The following ATP13A2 variants were observed in gnomAD, a reference collection of about 807,000 sequenced individuals.
ATP13A2 encodes the protein polyamine-transporting ATPase 13A2.
In ATP13A2, 83 loss-of-function variants were observed where a neutral mutation model predicts 138.3. That is an observed-to-expected ratio of 0.60 (90% CI 0.50 to 0.72). The LOEUF is 0.72. Ranked by LOEUF, ATP13A2 falls within the 30% of genes least tolerant of loss-of-function variation. The pLI, the probability that ATP13A2 is intolerant of heterozygous loss-of-function variation, is 0.00. For synonymous variants in ATP13A2, 663 were observed against 699.0 expected (o/e 0.95, Z 0.81); for missense variants, 1,402 against 1,606.4 (o/e 0.87, Z 2.17).
rs551559306 is a variant in ATP13A2, at chr1:17,000,108, G to A, written c.942C>T (p.Pro314=). The part of the protein sequence containing the change: ...EEWVDSSELV[P]GDCLVLPQEG... ...CCTGGGGCAGCACCAGGCAGTCTCC[G>A]GGCACTAGCTCACTGGAGTCCACCC... The change falls in exon 11 of 29, where the codon CCC becomes CCT. Residue 314 remains proline, a synonymous_variant. Coordinates refer to ENST00000326735, the MANE Select transcript of ATP13A2 (RefSeq NM_022089.4). 1.2e-5 allele frequency: 19 copies of A among 1,613,330 alleles called. No individual in the cohort carries two copies. Among genetic ancestry groups the A allele is most frequent in the Middle Eastern group, 1.6e-4 (1 of 6,084 alleles).
At position 16,992,263 on chromosome 1, in the gene ATP13A2, C is replaced by A. The variant is rs766516471; in HGVS notation, c.1985G>T (p.Gly662Val). Reference sequence around the variant, plus strand: ...TGCACCTGTCTCGGGGTTGCAGAGCCCTGCCACCAGCTCCGGGGAGCCTTT... The same window carrying A: ...TGCACCTGTCTCGGGGTTGCAGAGCACTGCCACCAGCTCCGGGGAGCCTTT... ...YVKGSPELVA[G>V]LCNPETVPTD... Residue 662 changes from glycine to valine, a missense_variant, in exon 18 of 29, where the codon GGG becomes GTG. Gly to Val is a moderately radical substitution (Grantham distance 109). Coordinates refer to ENST00000326735, the MANE Select transcript of ATP13A2 (RefSeq NM_022089.4). The A allele has an allele frequency of 2.5e-6, 4 of 1,612,592 alleles. No homozygotes were observed.
intron 2 of ATP13A2, 47 bp downstream of exon 2, chr1:17,005,637 G>C (rs780569970): frequency 6.2e-7 from 1 of 1,612,886 alleles, no homozygotes; most frequent in Non-Finnish European, 8.5e-7. Flanking sequence ...GGTGGGCCTG[G>C]GCATTCACCC....
Position 17,002,050 on chromosome 1 carries a change from T to TG in ATP13A2, c.688dup (p.Gln230ProfsTer25). 1 of 1,612,552 alleles carries TG rather than the reference T, an allele frequency of 6.2e-7. No individual in the cohort carries two copies. The highest frequency in any genetic ancestry group is 8.5e-7 in the Non-Finnish European group (1 of 1,179,216). ...CAGCCCTACCTCGTCCACCAGCAGC[T>TG]GGGGGTAGGACTTGACCGGTATGCT... On this transcript the variant is annotated frameshift_variant, in exon 8 of 29. Transcript: ENST00000326735. LOFTEE classifies it high-confidence loss of function.
intron 15 of ATP13A2, 111 bp from the exon 16 acceptor site, chr1:16,993,946 C>T (rs939985265): frequency 9.0e-6 from 8 of 892,240 alleles, no homozygotes; most frequent in East Asian, 5.4e-5. Context: ...CCCAGGAACT[C>T]GAGCTGGAGC....
rs148054197 is a variant in ATP13A2, at chr1:16,998,251, C to T, written c.1040-1076G>A. On this transcript the variant is annotated intron_variant, in intron 11 of 28. Coordinates refer to ENST00000326735, the MANE Select transcript of ATP13A2 (RefSeq NM_022089.4). Reference sequence around the variant, plus strand: ...ACGGAGTCTTACTCTGTCACCCAGGCTGGAGTGCAGTGGTGCGATCTCGGC... The same window carrying T: ...ACGGAGTCTTACTCTGTCACCCAGGTTGGAGTGCAGTGGTGCGATCTCGGC... Among the ~76,000 whole-genome samples, 1,109 of 152,246 alleles carry T rather than the reference C, an allele frequency of 7.3e-3. 15 individuals carry two copies. The highest frequency in any genetic ancestry group is 0.026 in the African/African-American group (1,060 of 41,536).
chr1:16,996,344 G>A (rs187138619), intron 13 of ATP13A2, 42 bp downstream of exon 13: 21 of 1,599,336 alleles, frequency 1.3e-5, no homozygotes, highest in African/African-American at 9.4e-5. Context: ...GGACCCAGGT[G>A]GGGGGGGCTA....
At position 17,002,036 on chromosome 1, in the gene ATP13A2, C is replaced by T. The variant is rs540184864; in HGVS notation, c.703G>A (p.Glu235Lys). 2.6e-5 allele frequency: 42 copies of T among 1,611,110 alleles called. No homozygotes were observed. The highest frequency in any genetic ancestry group is 6.7e-5 in the African/African-American group (5 of 75,040). Reference protein sequence around the residue: ...VKSYPQLLVDEALNPYYGFQA... With the variant: ...VKSYPQLLVDKALNPYYGFQA... ...GCAAGACCCAGGGACAGCCCTACCT[C>T]GTCCACCAGCAGCTGGGGGTAGGAC... The change falls in exon 8 of 29, where the codon GAG (glutamate) becomes AAG (lysine). Residue 235 changes from glutamate to lysine, a missense_variant and splice_region_variant. Transcript: ENST00000326735.
At chr1:17,000,690 A>G in intron 8 of ATP13A2, 156 bp from the exon 9 acceptor site, 1 of 936,074 alleles carries the variant, frequency 1.1e-6, no homozygotes, top group South Asian at 1.7e-5. Flanking sequence ...CCACCCAACC[A>G]GACATCCCCA....
In ATP13A2 at chr1:16,989,944, G is replaced by T; in HGVS notation, c.2472C>A (p.Ala824=). The T allele has an allele frequency of 6.2e-7, 1 of 1,604,002 alleles. No homozygotes were observed. Among genetic ancestry groups the T allele is most frequent in the Non-Finnish European group, 8.5e-7 (1 of 1,175,252 alleles). Residue 824 remains alanine (A), a synonymous_variant, in exon 22 of 29, where the codon GCC becomes GCA. Transcript: ENST00000326735. ...VEPDPRSRHL[A]LSGPTFGIIV... is the part of the protein sequence containing the mutation. ...TGATACCAAAGGTGGGCCCGCTGAG[G>T]GCCAGGTGCCTGGATCGGGGGTCTG...
At chr1:17,003,946 G>A (rs1403531685) in intron 6 of ATP13A2, among the ~76,000 whole-genome samples, 1 of 152,118 alleles carries the variant, frequency 6.6e-6, no homozygotes, top group Non-Finnish European at 1.5e-5. Context: ...ACAGGGGTGA[G>A]CCACCGCACC....
At chr1:16,989,109 T>A (rs1475166582) in intron 23 of ATP13A2, among the ~76,000 whole-genome samples, 1 of 150,916 alleles carries the variant, frequency 6.6e-6, no homozygotes, top group Non-Finnish European at 1.5e-5. Flanking sequence ...AGAGACAGGG[T>A]TTCACCATGT....
At chr1:17,007,773 G>A (rs906603682) in intron 1 of ATP13A2, among the ~76,000 whole-genome samples, 37 of 151,588 alleles carry the variant, frequency 2.4e-4, no homozygotes, top group African/African-American at 7.3e-4. Flanking sequence ...GGATGGTCTC[G>A]ATCTCCCGAC....
chr1:16,991,943 C>T, intron 19 of ATP13A2, 66 bp downstream of exon 19: 2 of 1,610,768 alleles, frequency 1.2e-6, no homozygotes, highest in Non-Finnish European at 1.7e-6. Context: ...CTTCCTTGGG[C>T]TCTGCCTGCG....
In ATP13A2 at chr1:17,007,051, G is replaced by C. The variant is rs142938577; in HGVS notation, c.11-1273C>G. On this transcript the variant is annotated intron_variant, in intron 1 of 28. Coordinates refer to ENST00000326735, the MANE Select transcript of ATP13A2 (RefSeq NM_022089.4). Reference sequence around the variant, plus strand: ...GATTACAGGCGCCCAGCTAAGTTTTGTATTTTCAGTAGAGACGGGGTTTCA... The same window carrying C: ...GATTACAGGCGCCCAGCTAAGTTTTCTATTTTCAGTAGAGACGGGGTTTCA... 5.6e-3 allele frequency among the ~76,000 whole-genome samples: 850 copies of C among 152,158 alleles called. 6 individuals carry two copies. Among genetic ancestry groups the C allele is most frequent in the African/African-American group, 0.02 (818 of 41,512 alleles).
In ATP13A2 at chr1:16,986,234, C is replaced by G. The variant is rs1453755351; in HGVS notation, c.3530G>C (p.Gly1177Ala). The change falls in exon 29 of 29, where the codon GGC becomes GCC. Residue 1177 changes from glycine to alanine, a missense_variant. Transcript: ENST00000326735. The surrounding 1 kb of genome is among the most constrained non-coding windows in gnomAD (Gnocchi z 6.9). ...CGTGGGCCTGCACTACCTCAGGGGG[C>G]CGGCGGGCAGCGGCGGCCAGGGCTG... ...AEQPWPPLPA[G>A]PLR 1.2e-6 allele frequency: 2 copies of G among 1,611,566 alleles called. No individual in the cohort carries two copies.
At position 17,004,246 on chromosome 1, in the gene ATP13A2, A is replaced by C; in HGVS notation, c.557+86T>G. 1 of 1,379,788 alleles carries C rather than the reference A, an allele frequency of 7.2e-7. No homozygotes were observed. Among genetic ancestry groups the C allele is most frequent in the Non-Finnish European group, 1.0e-6 (1 of 987,542 alleles). The allele number at this position is 1,379,788 out of a possible 1,614,324, so 85.5% of individuals were successfully genotyped here. On this transcript the variant is annotated intron_variant, in intron 6 of 28. Transcript: ENST00000326735. This position sits in a 1 kb window ranked among gnomAD's most constrained non-coding sequence, Gnocchi z 4.1. ...GCAAAAGCATCAGAGCTGAGAGGGG[A>C]GCCCAGGCCATGCCATGCCACCGTC...
intron 1 of ATP13A2, among the ~76,000 whole-genome samples, chr1:17,009,973 C>T (rs1455859046): frequency 6.6e-6 from 1 of 152,198 alleles, no homozygotes; most frequent in Non-Finnish European, 1.5e-5. Flanking sequence ...AGCCCAGTCT[C>T]CCCAGGGCTT....
intron 6 of ATP13A2, among the ~76,000 whole-genome samples, chr1:17,003,106 T>A (rs1020336395): frequency 6.6e-6 from 1 of 152,068 alleles, no homozygotes; most frequent in African/African-American, 2.4e-5. Context: ...CCCAAGGAGA[T>A]CCCCAGGCGA....
In ATP13A2 at chr1:17,004,715, C is replaced by T. The variant is rs1173258415; in HGVS notation, c.454G>A (p.Glu152Lys). The change falls in exon 5 of 29, where the codon GAG becomes AAG. Residue 152 changes from glutamate (E) to lysine (K), a missense_variant. Physicochemically the swap from Glu to Lys is moderately conservative, Grantham distance 56. Coordinates refer to ENST00000326735, the MANE Select transcript of ATP13A2 (RefSeq NM_022089.4). The surrounding 1 kb of genome is among the most constrained non-coding windows in gnomAD (Gnocchi z 4.1). ...WKDTAQLHKS[E>K]EAVSVGQKRV... ...ACCTGTCCGACACTCACCGCCTCCTCGCTCTTGTGGAGCTGGGCCGTATCC... is the reference window on the plus strand; with the variant it reads ...ACCTGTCCGACACTCACCGCCTCCTTGCTCTTGTGGAGCTGGGCCGTATCC... The T allele has an allele frequency of 5.0e-6, 8 of 1,614,018 alleles. No homozygotes were observed. In the East Asian group the frequency reaches 6.7e-5, roughly 13 times the overall value.
Sources: allele counts gnomAD v4.1 joint callset (sites outside exome capture counted in the v4.1 genomes callset), GRCh38; gene constraint gnomAD v4.1.1; non-coding constraint Gnocchi (gnomAD v3.1); transcripts MANE v1.5; gene names NCBI Gene and HGNC (gene_info 2026-07-23, HGNC 2026-07-21).